The following CCDC91 variants were observed in gnomAD, a reference collection of about 807,000 sequenced individuals.
CCDC91 encodes coiled-coil domain containing 91, also known as coiled-coil domain-containing protein 91.
In CCDC91, 48 loss-of-function variants were observed where a neutral mutation model predicts 63.2. The ratio of observed to expected loss-of-function variants is 0.76; its 90% confidence interval spans 0.60 to 0.97. CCDC91 has a LOEUF of 0.97. Ranked by LOEUF, CCDC91 falls within the 50% of genes least tolerant of loss-of-function variation. The pLI is 0.00. For missense variants in CCDC91, 500 were observed against 494.6 expected (o/e 1.01, Z -0.10); for synonymous variants, 167 against 165.8 (o/e 1.01, Z -0.06).
At chr12:28,355,349 GT>G (rs1943454620) in intron 6 of CCDC91, among the ~76,000 whole-genome samples, 1 of 152,166 alleles carries the variant, frequency 6.6e-6, no homozygotes, top group African/African-American at 2.4e-5. Flanking sequence ...CTCAGCTGGG[GT>G]TTTGCAAAAG....
At chr12:28,284,668 A>T (rs1319725044) in intron 3 of CCDC91, among the ~76,000 whole-genome samples, 1 of 150,914 alleles carries the variant, frequency 6.6e-6, no homozygotes, top group African/African-American at 2.4e-5. Flanking sequence ...AAAAAAAAAG[A>T]AAAAGAAATA....
chr12:28,373,138 G>A (rs965075281), intron 7 of CCDC91, among the ~76,000 whole-genome samples: 10 of 152,086 alleles, frequency 6.6e-5, no homozygotes, highest in East Asian at 1.9e-4. Flanking sequence ...GTTTTTGTTC[G>A]TTGATTTTAG....
chr12:28,356,025 T>C (rs1034360372), intron 6 of CCDC91, among the ~76,000 whole-genome samples: 9 of 152,030 alleles, frequency 5.9e-5, no homozygotes, highest in Non-Finnish European at 1.3e-4. Flanking sequence ...ATCATGTGTG[T>C]TTTTTTTCTT....
At chr12:28,400,295 G>A (rs1360080675) in intron 8 of CCDC91, among the ~76,000 whole-genome samples, 2 of 152,160 alleles carry the variant, frequency 1.3e-5, no homozygotes, top group Admixed American at 6.5e-5. Flanking sequence ...CATGGCTGGA[G>A]CTGAAGCAGC....
At chr12:28,437,116 AAAAAT>A (rs1257643726) in intron 8 of CCDC91, among the ~76,000 whole-genome samples, 1 of 151,722 alleles carries the variant, frequency 6.6e-6, no homozygotes, top group African/African-American at 2.4e-5. Context: ...ATTTAATTAA[AAAAAT>A]AAAATTCCAT....
chr12:28,492,691 G>A (rs1420730192), intron 12 of CCDC91, among the ~76,000 whole-genome samples: 1 of 151,408 alleles, frequency 6.6e-6, no homozygotes, highest in Non-Finnish European at 1.5e-5. Flanking sequence ...AAGGGCAGGA[G>A]GTACTCAGTA....
At chr12:28,390,958 A>T in intron 7 of CCDC91, among the ~76,000 whole-genome samples, 1 of 133,130 alleles carries the variant, frequency 7.5e-6, no homozygotes, top group Non-Finnish European at 1.6e-5. Flanking sequence ...TTTTTTCAGC[A>T]GCTTTCATAC....
intron 6 of CCDC91, among the ~76,000 whole-genome samples, chr12:28,359,232 A>G (rs1177835726): frequency 1.3e-5 from 2 of 152,212 alleles, no homozygotes; most frequent in Non-Finnish European, 2.9e-5. Flanking sequence ...GTCATTATTC[A>G]GAGCCATCGA....
intron 8 of CCDC91, among the ~76,000 whole-genome samples, chr12:28,446,025 A>G (rs1949481808): frequency 6.6e-6 from 1 of 151,732 alleles, no homozygotes; most frequent in Non-Finnish European, 1.5e-5. Context: ...ATCAAAGCAG[A>G]TAATCTCTGA....
chr12:28,412,468 TC>T (rs1947374834), intron 8 of CCDC91, among the ~76,000 whole-genome samples: 1 of 152,126 alleles, frequency 6.6e-6, no homozygotes, highest in Admixed American at 6.6e-5. Context: ...CATCATCTCT[TC>T]CCCATCTTTC....
At chr12:28,262,862 T>C (rs1484098315) in intron 3 of CCDC91, among the ~76,000 whole-genome samples, 1 of 151,956 alleles carries the variant, frequency 6.6e-6, no homozygotes, top group Non-Finnish European at 1.5e-5. Context: ...TCCATAAACA[T>C]TTAGAAATTA....
chr12:28,384,724 T>A (rs1368195057), intron 7 of CCDC91, among the ~76,000 whole-genome samples: 1 of 152,152 alleles, frequency 6.6e-6, no homozygotes, highest in African/African-American at 2.4e-5. Context: ...AACTGATTTT[T>A]TTTTTGTACC....
At chr12:28,482,126 T>C (rs1951479501) in intron 11 of CCDC91, among the ~76,000 whole-genome samples, 1 of 151,968 alleles carries the variant, frequency 6.6e-6, no homozygotes, top group African/African-American at 2.4e-5. Flanking sequence ...AATGTGAATA[T>C]TCATATTCTT....
chr12:28,410,938 G>GT (rs1251310397), intron 8 of CCDC91, among the ~76,000 whole-genome samples: 1 of 151,868 alleles, frequency 6.6e-6, no homozygotes, highest in African/African-American at 2.4e-5. Context: ...ATTCCCTCAT[G>GT]TTTTTTTGCT....
In CCDC91 at chr12:28,549,218, C is replaced by T. The variant is rs1277413800; in HGVS notation, c.*45C>T. On this transcript the variant is annotated 3_prime_UTR_variant, in exon 13 of 13. Coordinates refer to ENST00000536442, the MANE Select transcript of CCDC91 (RefSeq NM_018318.5). The stretch of plus-strand genomic sequence containing the variant: ...CACTGGCATTGGATAAATCATATTA[C>T]ACCTTCAAAATACACACTCTGAATT... The T allele has an allele frequency of 2.0e-6, 2 of 1,024,638 alleles. No individual in the cohort carries two copies. The highest frequency in any genetic ancestry group is 3.1e-6 in the Non-Finnish European group (2 of 648,836). 63.5% of individuals were successfully genotyped at this position (1,024,638 alleles called of 1,614,324 possible).
intron 1 of CCDC91, among the ~76,000 whole-genome samples, chr12:28,230,822 A>C (rs1944542242): frequency 1.3e-5 from 2 of 151,926 alleles, no homozygotes; most frequent in African/African-American, 4.8e-5. Context: ...ATGGGGTTTC[A>C]CCATATTGCC....
At chr12:28,199,171 TC>T (rs1249454533) in intron 1 of CCDC91, 1 of 152,136 alleles carries the variant, frequency 6.6e-6, no homozygotes, top group African/African-American at 2.4e-5. Context: ...ACCTTGGCCT[TC>T]CAAGTGCTGG....
At chr12:28,316,149 A>G (rs140806725) in intron 6 of CCDC91, among the ~76,000 whole-genome samples, 87 of 151,918 alleles carry the variant, frequency 5.7e-4, no homozygotes, top group African/African-American at 2.0e-3. Context: ...TGTAGTTTCA[A>G]TTTCTTACTT....
chr12:28,478,488 A>C (rs1372879688), intron 11 of CCDC91, among the ~76,000 whole-genome samples: 1 of 152,156 alleles, frequency 6.6e-6, no homozygotes, highest in African/African-American at 2.4e-5. Flanking sequence ...CTTAAATGTT[A>C]GACCTAAAAC....
Sources: allele counts gnomAD v4.1 joint callset (sites outside exome capture counted in the v4.1 genomes callset), GRCh38; gene constraint gnomAD v4.1.1; transcripts MANE v1.5; gene names NCBI Gene and HGNC (gene_info 2026-07-23, HGNC 2026-07-21).